Variants in CDK14 observed in about 807,000 individuals in gnomAD.
CDK14 encodes cyclin-dependent kinase 14.
In CDK14, 34 loss-of-function variants were observed where a neutral mutation model predicts 60.7. That is an observed-to-expected ratio of 0.56 (90% confidence interval 0.43 to 0.75). The LOEUF is 0.75. CDK14 is among the 30% of genes least tolerant of loss of function. The probability of loss-of-function intolerance (pLI) is 0.00; values close to 1 mark genes in which losing one functional copy is unlikely to be tolerated. For missense variants in CDK14, 482 were observed against 564.1 expected (o/e 0.85, Z 1.47); for synonymous variants, 197 against 203.7 (o/e 0.97, Z 0.28).
intron 4 of CDK14, among the ~76,000 whole-genome samples, chr7:90,763,264 C>CCAGATAAGCAGGCATAGAATCCAA (rs1412277297): frequency 1.3e-5 from 2 of 152,166 alleles, no homozygotes; most frequent in Admixed American, 1.3e-4. Flanking sequence ...GCAGAGATAT[C>CCAGATAAGCAGGCATAGAATCCAA]ACTAAGGATT....
chr7:91,030,790 G>A (rs755975762), intron 10 of CDK14, among the ~76,000 whole-genome samples: 66 of 152,234 alleles, frequency 4.3e-4, no homozygotes, highest in Non-Finnish European at 8.4e-4. Flanking sequence ...CTAAGTCACC[G>A]TTCCCTTTCA....
intron 10 of CDK14, among the ~76,000 whole-genome samples, chr7:90,996,866 T>C (rs1422799455): frequency 6.6e-6 from 1 of 152,256 alleles, no homozygotes; most frequent in Non-Finnish European, 1.5e-5. Flanking sequence ...GGGCATATAT[T>C]CTTCTCCAGG....
In CDK14 at chr7:90,899,908, A is replaced by G. The variant is rs114398164; in HGVS notation, c.702+555A>G. Among the ~76,000 whole-genome samples the G allele has an allele frequency of 9.9e-3, 1,504 of 152,294 alleles. 23 individuals are homozygous for G. Among genetic ancestry groups the G allele is most frequent in the African/African-American group, 0.033 (1,379 of 41,574 alleles). On this transcript the variant is annotated intron_variant, in intron 7 of 14. Coordinates refer to ENST00000380050, the MANE Select transcript of CDK14 (RefSeq NM_001287135.2). The stretch of plus-strand genomic sequence containing the variant: ...CTTGGGAAATTATTCCAAAATTTCA[A>G]GCTTCTTGGTATATGCAATAGAATT...
chr7:90,795,822 A>G (rs1038515421), intron 5 of CDK14, among the ~76,000 whole-genome samples: 6 of 152,142 alleles, frequency 3.9e-5, no homozygotes, highest in Non-Finnish European at 4.4e-5. Context: ...TAATCAACCT[A>G]ATCTTACTGT....
In CDK14 at chr7:90,757,846, A is replaced by G. The variant is rs139743493; in HGVS notation, c.464+10071A>G. The stretch of plus-strand genomic sequence containing the variant: ...TCGAACTCCTGAACTAAAGTGATCC[A>G]CCCACCTCGGCTTCCCAAAATGTTG... On this transcript the variant is annotated intron_variant, in intron 4 of 14. Transcript: ENST00000380050. Among the ~76,000 whole-genome samples, 1,205 of 152,112 alleles carry G rather than the reference A, an allele frequency of 7.9e-3. 15 individuals are homozygous for G. The highest frequency in any genetic ancestry group is 0.027 in the African/African-American group (1,111 of 41,504).
intron 11 of CDK14, among the ~76,000 whole-genome samples, chr7:91,072,959 A>G (rs1798197339): frequency 6.6e-6 from 1 of 152,110 alleles, no homozygotes; most frequent in Non-Finnish European, 1.5e-5. Flanking sequence ...CAGCCACACA[A>G]GATTAGAGAA....
chr7:90,887,937 C>G (rs1484665535), intron 6 of CDK14, among the ~76,000 whole-genome samples: 1 of 152,032 alleles, frequency 6.6e-6, no homozygotes, highest in African/African-American at 2.4e-5. Context: ...TAATACTTCA[C>G]TTATTATAAG....
At chr7:90,769,558 C>T (rs2116887498) in intron 4 of CDK14, among the ~76,000 whole-genome samples, 1 of 151,960 alleles carries the variant, frequency 6.6e-6, no homozygotes, top group South Asian at 2.1e-4. Context: ...CCTCCGCCTC[C>T]TGGGTTTAAG....
intron 6 of CDK14, among the ~76,000 whole-genome samples, chr7:90,880,868 A>G (rs1295229739): frequency 6.6e-6 from 1 of 152,172 alleles, no homozygotes; most frequent in African/African-American, 2.4e-5. Context: ...TGAAAGAAAA[A>G]CAAGCAGAAA....
intron 2 of CDK14, among the ~76,000 whole-genome samples, chr7:90,616,593 C>A (rs1183601460): frequency 1.3e-5 from 2 of 151,998 alleles, no homozygotes; most frequent in Non-Finnish European, 2.9e-5. Context: ...TAATTGAGTT[C>A]AAAACTTTCC....
At chr7:90,751,566 A>G (rs948329233) in intron 4 of CDK14, among the ~76,000 whole-genome samples, 4 of 152,236 alleles carry the variant, frequency 2.6e-5, no homozygotes, top group Admixed American at 1.3e-4. Flanking sequence ...CCACAAAAAC[A>G]CACATAAGTA....
At chr7:90,962,515 T>G (rs1404607749) in intron 9 of CDK14, among the ~76,000 whole-genome samples, 1 of 152,144 alleles carries the variant, frequency 6.6e-6, no homozygotes, top group East Asian at 1.9e-4. Flanking sequence ...CTAGTGTGGT[T>G]ATAGTTTTTA....
At chr7:90,777,010 G>T (rs1440254859) in intron 4 of CDK14, among the ~76,000 whole-genome samples, 3 of 112,010 alleles carry the variant, frequency 2.7e-5, no homozygotes, top group African/African-American at 1.1e-4. Context: ...GTGACACGAA[G>T]TTAGTTAAAA....
intron 14 of CDK14, among the ~76,000 whole-genome samples, chr7:91,130,818 G>A (rs1800095037): frequency 1.3e-5 from 2 of 152,028 alleles, no homozygotes; most frequent in African/African-American, 2.4e-5. Context: ...CATCAAGTTT[G>A]ACCTCACATG....
intron 11 of CDK14, among the ~76,000 whole-genome samples, chr7:91,058,039 C>T (rs1797643934): frequency 6.6e-6 from 1 of 151,976 alleles, no homozygotes; most frequent in Non-Finnish European, 1.5e-5. Context: ...TACCCATGAG[C>T]ATGGAATGTT....
chr7:90,610,828 C>T (rs1799525488), intron 2 of CDK14, among the ~76,000 whole-genome samples: 1 of 152,204 alleles, frequency 6.6e-6, no homozygotes, highest in Non-Finnish European at 1.5e-5. Flanking sequence ...ATCTGTACGA[C>T]CCCCTTTTCA....
intron 1 of CDK14, among the ~76,000 whole-genome samples, chr7:90,601,074 T>C (rs568719143): frequency 6.6e-6 from 1 of 152,368 alleles, no homozygotes; most frequent in South Asian, 2.1e-4. Context: ...AGCATCACTT[T>C]CATCTAGGTG....
chr7:90,717,954 A>G (rs879688294), intron 2 of CDK14, among the ~76,000 whole-genome samples: 16 of 152,026 alleles, frequency 1.1e-4, no homozygotes, highest in Admixed American at 5.3e-4. Flanking sequence ...ACCAAAATAA[A>G]CCAAACACTT....
At chr7:91,056,883 C>T (rs1193850082) in intron 11 of CDK14, among the ~76,000 whole-genome samples, 2 of 152,148 alleles carry the variant, frequency 1.3e-5, no homozygotes, top group Non-Finnish European at 2.9e-5. Context: ...GTGTACGTGT[C>T]TTTATAGCAG....
Sources: gnomAD v4.1 joint callset for allele counts (sites outside exome capture counted in the v4.1 genomes callset) on GRCh38, gnomAD v4.1.1 for gene constraint, MANE v1.5 for transcripts, NCBI Gene and HGNC (gene_info 2026-07-23, HGNC 2026-07-21) for gene names.